The following NRXN1 variants were observed in gnomAD, a reference collection of about 807,000 sequenced individuals.
The protein encoded by NRXN1 is neurexin 1, also known as neurexin-1.
Under a neutral mutation model 150.9 loss-of-function variants are expected in NRXN1, and 39 were observed. The ratio of observed to expected loss-of-function variants is 0.26; its 90% CI spans 0.20 to 0.34. The LOEUF is 0.34. Ranked by LOEUF, NRXN1 falls within the 10% of genes least tolerant of loss-of-function variation. The pLI is 1.00. For synonymous variants in NRXN1, 924 were observed against 757.0 expected, an observed-to-expected ratio of 1.22 and a Z score of -3.62; for missense variants, 1,815 against 1,949.9, an observed-to-expected ratio of 0.93 and a Z score of 1.30.
intron 21 of NRXN1, among the ~76,000 whole-genome samples, chr2:49,950,248 T>A (rs1673682914): frequency 6.6e-6 from 1 of 151,926 alleles, no homozygotes; most frequent in African/African-American, 2.4e-5. Flanking sequence ...TAATGAACAA[T>A]CCTATTAAGG....
intron 2 of NRXN1, among the ~76,000 whole-genome samples, chr2:50,981,343 G>A (rs1575118729): frequency 6.7e-6 from 1 of 149,840 alleles, no homozygotes; most frequent in Non-Finnish European, 1.5e-5. Flanking sequence ...CTGTAATCCT[G>A]GCTACTCAGG....
chr2:50,694,865 T>C (rs1692588260), intron 5 of NRXN1, among the ~76,000 whole-genome samples: 2 of 152,184 alleles, frequency 1.3e-5, no homozygotes. Flanking sequence ...CCTTGGCTTA[T>C]AAAAAATTAA....
intron 17 of NRXN1, among the ~76,000 whole-genome samples, chr2:50,280,664 A>T (rs2071303988): frequency 6.6e-6 from 1 of 152,170 alleles, no homozygotes; most frequent in Non-Finnish European, 1.5e-5. Context: ...TTAAGTGGTG[A>T]TTACATTGGT....
intron 19 of NRXN1, among the ~76,000 whole-genome samples, chr2:50,080,975 T>C (rs1346730599): frequency 1.3e-5 from 2 of 152,212 alleles, no homozygotes; most frequent in East Asian, 3.8e-4. Context: ...AGGTTCTGAA[T>C]TCTAGGTAAA....
intron 19 of NRXN1, among the ~76,000 whole-genome samples, chr2:50,067,067 A>C (rs1212743057): frequency 6.6e-6 from 1 of 152,188 alleles, no homozygotes; most frequent in Non-Finnish European, 1.5e-5. Flanking sequence ...GCTTCAGATG[A>C]CATCCCAGCT....
chr2:50,553,764 C>A (rs1385998323), intron 8 of NRXN1, among the ~76,000 whole-genome samples: 1 of 152,188 alleles, frequency 6.6e-6, no homozygotes, highest in Non-Finnish European at 1.5e-5. Flanking sequence ...CAAGGGTTGT[C>A]TTGTACTCTC....
At chr2:50,483,838 G>A (rs539553081) in intron 15 of NRXN1, among the ~76,000 whole-genome samples, 16 of 152,192 alleles carry the variant, frequency 1.1e-4, no homozygotes, top group African/African-American at 3.9e-4. Context: ...TGATAAATAG[G>A]GAACAAGTAG....
At chr2:50,523,386 C>G (rs1161333082) in intron 12 of NRXN1, among the ~76,000 whole-genome samples, 1 of 152,088 alleles carries the variant, frequency 6.6e-6, no homozygotes, top group Non-Finnish European at 1.5e-5. Context: ...TGTGTGAAGG[C>G]AGAGGCGAAA....
At chr2:50,500,403 AG>A (rs2091886116) in intron 13 of NRXN1, among the ~76,000 whole-genome samples, 1 of 152,208 alleles carries the variant, frequency 6.6e-6, no homozygotes, top group Non-Finnish European at 1.5e-5. Flanking sequence ...GGGGAGAATT[AG>A]CCCCCAAAAG....
In NRXN1 at chr2:50,205,135, G is replaced by A. The variant is rs917055877; in HGVS notation, c.3546+31654C>T. ...CACAAATAAGTGACAGAGTTGATGA[G>A]AACCCAGACATACTGAAATTAAGAA... On this transcript the variant is annotated intron_variant, in intron 18 of 22. Transcript: ENST00000401669. 1.3e-5 allele frequency among the ~76,000 whole-genome samples: 2 copies of A among 152,062 alleles called. 1 individual carries two copies. The highest frequency in any genetic ancestry group is 4.1e-4 in the South Asian group (2 of 4,834).
chr2:50,901,072 CTATT>C (rs1244914346), intron 5 of NRXN1, among the ~76,000 whole-genome samples: 3 of 152,066 alleles, frequency 2.0e-5, no homozygotes, highest in Non-Finnish European at 2.9e-5. Flanking sequence ...ATCTGACACA[CTATT>C]TATCTGGCTT....
At chr2:50,948,018 A>G in intron 2 of NRXN1, among the ~76,000 whole-genome samples, 1 of 151,914 alleles carries the variant, frequency 6.6e-6, no homozygotes, top group East Asian at 1.9e-4. Context: ...AATCCTTCCC[A>G]CATAATCCTG....
rs1669251466 is a variant in NRXN1, at chr2:51,019,440, A to C, written c.772+8062T>G. Among the ~76,000 whole-genome samples the C allele has an allele frequency of 3.9e-5, 6 of 152,142 alleles. No individual in the cohort carries two copies. The South Asian group carries it at 1.2e-3, about 31-fold the overall frequency. ...ATTTTTAACAGAATGATTTTAAATT[A>C]TTCTCAACTTCAAGAGGTGCTTATG... On this transcript the variant is annotated intron_variant, in intron 2 of 22. Transcript: ENST00000401669.
chr2:50,430,065 T>A (rs1186347920), intron 17 of NRXN1, among the ~76,000 whole-genome samples: 1 of 151,958 alleles, frequency 6.6e-6, no homozygotes, highest in Non-Finnish European at 1.5e-5. Flanking sequence ...AATTTGAGAG[T>A]GGGAGAAAAA....
intron 13 of NRXN1, among the ~76,000 whole-genome samples, chr2:50,504,918 A>T (rs1210025627): frequency 6.6e-6 from 1 of 152,154 alleles, no homozygotes; most frequent in Non-Finnish European, 1.5e-5. Context: ...TCTTTCTTGC[A>T]TTATCCTTTC....
intron 21 of NRXN1, among the ~76,000 whole-genome samples, chr2:50,048,051 A>T (rs1215588498): frequency 6.6e-6 from 1 of 151,992 alleles, no homozygotes; most frequent in Non-Finnish European, 1.5e-5. Flanking sequence ...CGCAGAACTT[A>T]AAAAAAATCC....
At chr2:50,558,872 C>T (rs1022759707) in intron 8 of NRXN1, among the ~76,000 whole-genome samples, 15 of 151,966 alleles carry the variant, frequency 9.9e-5, no homozygotes, top group African/African-American at 3.6e-4. Flanking sequence ...GTCAGGAGAT[C>T]GAGATAGAGA....
At chr2:50,936,908 A>T (rs895702225) in intron 2 of NRXN1, among the ~76,000 whole-genome samples, 9 of 152,128 alleles carry the variant, frequency 5.9e-5, no homozygotes, top group Admixed American at 5.9e-4. Context: ...CAAAAAATAC[A>T]CTAAGAAACT....
At chr2:50,129,497 T>C (rs1705145227) in intron 18 of NRXN1, among the ~76,000 whole-genome samples, 1 of 152,146 alleles carries the variant, frequency 6.6e-6, no homozygotes, top group African/African-American at 2.4e-5. Flanking sequence ...AATAAAATAA[T>C]TATCAGATAT....
Sources: allele counts gnomAD v4.1 joint callset (sites outside exome capture counted in the v4.1 genomes callset), GRCh38; gene constraint gnomAD v4.1.1; transcripts MANE v1.5; gene names NCBI Gene and HGNC (gene_info 2026-07-23, HGNC 2026-07-21).